Variants in ARAP2 observed in about 807,000 individuals in gnomAD.
The protein encoded by ARAP2 is ArfGAP with RhoGAP domain, ankyrin repeat and PH domain 2.
ARAP2 carries 148 observed loss-of-function variants against 194.5 expected under a neutral mutation model. That is an observed-to-expected ratio of 0.76 (90% confidence interval 0.67 to 0.87). ARAP2 has a LOEUF of 0.87. Among genes scored for constraint, ARAP2 ranks in the 40% least tolerant of loss-of-function variants. The pLI, the probability that ARAP2 is intolerant of heterozygous loss-of-function variation, is 0.00. For missense variants in ARAP2, 2,128 were observed against 1,989.7 expected, an observed-to-expected ratio of 1.07 and a Z score of -1.32; for synonymous variants, 695 against 683.5, an observed-to-expected ratio of 1.02 and a Z score of -0.26.
intron 19 of ARAP2, among the ~76,000 whole-genome samples, chr4:36,137,219 A>T (rs1168615138): frequency 6.6e-6 from 1 of 151,872 alleles, no homozygotes; most frequent in East Asian, 1.9e-4. Context: ...TTCTTTCAAT[A>T]TATTTCTGTT....
At chr4:36,089,493 C>T (rs1712936287) in intron 28 of ARAP2, among the ~76,000 whole-genome samples, 4 of 152,068 alleles carry the variant, frequency 2.6e-5, no homozygotes, top group African/African-American at 9.7e-5. Flanking sequence ...TTAGTAACTT[C>T]ATTTAAAAAC....
intron 19 of ARAP2, among the ~76,000 whole-genome samples, chr4:36,140,664 C>G (rs960904750): frequency 1.3e-5 from 2 of 151,622 alleles, no homozygotes; most frequent in Non-Finnish European, 3.0e-5. Context: ...GAGAAAAGAT[C>G]ATATGGAATA....
At chr4:36,056,707 T>TC (rs1307320117) in intron 2 of ARAP2, among the ~76,000 whole-genome samples, 1 of 152,020 alleles carries the variant, frequency 6.6e-6, no homozygotes, top group East Asian at 1.9e-4. Flanking sequence ...TGTCCCTTTT[T>TC]CTTTTTTTCT....
At chr4:36,232,253 A>C (rs1193358387) in intron 1 of ARAP2, among the ~76,000 whole-genome samples, 2 of 152,226 alleles carry the variant, frequency 1.3e-5, no homozygotes, top group Non-Finnish European at 2.9e-5. Context: ...GAAACTCATG[A>C]CATCTTTTGC....
intron 22 of ARAP2, 52 bp from the exon 23 acceptor site, chr4:36,121,378 A>C: frequency 4.0e-5 from 59 of 1,480,032 alleles, no homozygotes; most frequent in Non-Finnish European, 5.1e-5. Context: ...TGGAAATTTC[A>C]TAGAACAGAA....
intron 32 of ARAP2, among the ~76,000 whole-genome samples, chr4:36,069,432 A>T (rs765686851): frequency 2.3e-4 from 35 of 152,144 alleles, no homozygotes; most frequent in Admixed American, 1.3e-3. Flanking sequence ...AATACAACCA[A>T]TGCCACTGAA....
chr4:36,083,620 T>C (rs1478102494), intron 28 of ARAP2, among the ~76,000 whole-genome samples, 170 bp from the exon 29 acceptor site: 1 of 152,128 alleles, frequency 6.6e-6, no homozygotes, highest in East Asian at 1.9e-4. Flanking sequence ...TGAAGACTCT[T>C]AGGATTTACA....
chr4:36,187,060 TGC>T (rs1740730625), intron 8 of ARAP2, among the ~76,000 whole-genome samples: 1 of 152,228 alleles, frequency 6.6e-6, no homozygotes, highest in African/African-American at 2.4e-5. Context: ...CCACTGAGCC[TGC>T]CATAAATGTC....
intron 25 of ARAP2, among the ~76,000 whole-genome samples, 191 bp from the exon 26 acceptor site, chr4:36,114,478 CAA>C (rs1720834303): frequency 6.6e-6 from 1 of 151,842 alleles, no homozygotes; most frequent in Admixed American, 6.6e-5. Flanking sequence ...TACATAAGTA[CAA>C]AAAGAGATCA....
In ARAP2 at chr4:36,098,428, A is replaced by G. The variant is rs185104312; in HGVS notation, c.4286-6408T>C. On this transcript the variant is annotated intron_variant, in intron 27 of 32. Transcript: ENST00000303965. ...TAATGGCTCCAACATACAACTGCAG[A>G]TTCTTGTTATGAAAACACAGTCTCC... Among the ~76,000 whole-genome samples, 207 of 152,066 alleles carry G rather than the reference A, an allele frequency of 1.4e-3. 1 individual carries two copies. The highest frequency in any genetic ancestry group is 4.8e-3 in the African/African-American group (201 of 41,526).
chr4:36,179,107 T>C (rs1334855629), intron 8 of ARAP2, among the ~76,000 whole-genome samples: 2 of 152,190 alleles, frequency 1.3e-5, no homozygotes, highest in Non-Finnish European at 2.9e-5. Flanking sequence ...GTTGTCTTTA[T>C]TACAGAGGCA....
At chr4:36,162,932 G>A (rs867742283) in intron 11 of ARAP2, among the ~76,000 whole-genome samples, 6 of 152,116 alleles carry the variant, frequency 3.9e-5, no homozygotes, top group Non-Finnish European at 5.9e-5. Context: ...AGTGTGCAGC[G>A]TAGACAGTAT....
intron 5 of ARAP2, among the ~76,000 whole-genome samples, chr4:36,039,897 CT>C (rs1320943933): frequency 6.6e-6 from 1 of 152,034 alleles, no homozygotes; most frequent in African/African-American, 2.4e-5. Flanking sequence ...TTGGTTAGGG[CT>C]GCCAAGAGAT....
intron 30 of ARAP2, among the ~76,000 whole-genome samples, chr4:36,080,627 C>G (rs1399602696): frequency 6.6e-6 from 1 of 152,090 alleles, no homozygotes; most frequent in Admixed American, 6.6e-5. Flanking sequence ...AATTCTGAGC[C>G]TGAGAAGAAA....
intron 15 of ARAP2, among the ~76,000 whole-genome samples, chr4:36,151,678 CT>C (rs1731008763): frequency 6.6e-6 from 1 of 152,080 alleles, no homozygotes; most frequent in African/African-American, 2.4e-5. Flanking sequence ...AAAAGCCTTT[CT>C]TTTTAAGAAA....
chr4:36,096,374 A>AAAAAAGAAAAAAG (rs1553899087), intron 27 of ARAP2, among the ~76,000 whole-genome samples: 3 of 142,084 alleles, frequency 2.1e-5, no homozygotes, highest in African/African-American at 8.8e-5. Flanking sequence ...AAAAAAAAAA[A>AAAAAAGAAAAAAG]AAAAAAGAAA....
chr4:36,150,484 A>G (rs1160223175), intron 16 of ARAP2, among the ~76,000 whole-genome samples: 4 of 152,126 alleles, frequency 2.6e-5, no homozygotes, highest in African/African-American at 9.6e-5. Context: ...CATCTCCACT[A>G]AAAATACAAA....
At chr4:36,030,400 T>A (rs1254293191) in intron 5 of ARAP2, among the ~76,000 whole-genome samples, 1 of 152,130 alleles carries the variant, frequency 6.6e-6, no homozygotes, top group Non-Finnish European at 1.5e-5. Flanking sequence ...CAATTCTGAG[T>A]TAATATTTCC....
intron 3 of ARAP2, chr4:36,047,041 G>A (rs1216197239): frequency 1.3e-5 from 2 of 152,210 alleles, no homozygotes; most frequent in African/African-American, 4.8e-5. Context: ...CAGAATGTGA[G>A]TTCAGAGGCA....
Sources: gnomAD v4.1 joint callset for allele counts (sites outside exome capture counted in the v4.1 genomes callset) on GRCh38, gnomAD v4.1.1 for gene constraint, MANE v1.5 for transcripts, NCBI Gene and HGNC (gene_info 2026-07-23, HGNC 2026-07-21) for gene names.